EYS: variants seen among roughly 807,000 people sequenced by gnomAD.
EYS encodes EGF-like photoreceptor maintenance factor.
In EYS, 250 loss-of-function variants were observed where a neutral mutation model predicts 282.1. The ratio of observed to expected loss-of-function variants is 0.89; its 90% CI spans 0.80 to 0.98. The LOEUF (loss-of-function observed/expected upper bound fraction) is 0.98. Ranked by LOEUF, EYS falls within the 50% of genes least tolerant of loss-of-function variation. The pLI is 0.00. For missense variants in EYS, 4,016 were observed against 3,709.0 expected (o/e 1.08, Z -2.15); for synonymous variants, 1,355 against 1,282.9 (o/e 1.06, Z -1.20).
At chr6:64,375,522 T>C (rs1480034119) in intron 29 of EYS, among the ~76,000 whole-genome samples, 1 of 152,190 alleles carries the variant, frequency 6.6e-6, no homozygotes, top group African/African-American at 2.4e-5. Flanking sequence ...TAGGCTTGCT[T>C]TCTTTGTAAT....
chr6:64,934,123 C>G (rs1309166130), intron 15 of EYS, among the ~76,000 whole-genome samples: 2 of 149,990 alleles, frequency 1.3e-5, no homozygotes, highest in African/African-American at 4.9e-5. Context: ...TATCCCAGAA[C>G]TTAAAGTATA....
chr6:64,230,668 G>A lies in EYS; in HGVS notation c.6348C>T (p.Ala2116=), dbSNP rs1287331567. 1.3e-6 allele frequency: 2 copies of A among 1,551,452 alleles called. No homozygotes were observed. Among genetic ancestry groups the A allele is most frequent in the African/African-American group, 2.7e-5 (2 of 73,052 alleles). The change falls in exon 31 of 43, where the codon GCC becomes GCT. Residue 2116 remains alanine, a synonymous_variant. Coordinates refer to ENST00000503581, the MANE Select transcript of EYS (RefSeq NM_001142800.2). ...DVCHNGGTCH[A]IFLSSGIVSF... Reference sequence around the variant, plus strand: ...ACACTATGCCACTGGAGAGGAAGATGGCATGGCATGTGCCTCCATTGTGGC... The same window carrying A: ...ACACTATGCCACTGGAGAGGAAGATAGCATGGCATGTGCCTCCATTGTGGC...
intron 35 of EYS, among the ~76,000 whole-genome samples, chr6:63,913,503 C>T (rs1764333276): frequency 6.6e-6 from 1 of 152,178 alleles, no homozygotes. Flanking sequence ...ACATACTTCC[C>T]ATGTCCTTAG....
chr6:65,476,972 T>G (rs1765433742), intron 5 of EYS, among the ~76,000 whole-genome samples: 1 of 152,202 alleles, frequency 6.6e-6, no homozygotes, highest in East Asian at 1.9e-4. Context: ...GAATTTTTAT[T>G]CATGCTAATC....
intron 35 of EYS, among the ~76,000 whole-genome samples, chr6:63,877,271 T>TTA (rs1464681607): frequency 5.9e-5 from 9 of 152,202 alleles, no homozygotes; most frequent in Non-Finnish European, 1.2e-4. Context: ...TGAACATTCT[T>TTA]TTCCTTAAGA....
chr6:64,173,159 T>C (rs909515306), intron 31 of EYS, among the ~76,000 whole-genome samples: 1 of 152,160 alleles, frequency 6.6e-6, no homozygotes, highest in Non-Finnish European at 1.5e-5. Context: ...AATTTTAATA[T>C]AGCAGCTAAC....
chr6:65,010,553 G>A (rs1012833123), intron 13 of EYS, among the ~76,000 whole-genome samples: 8 of 152,206 alleles, frequency 5.3e-5, no homozygotes, highest in African/African-American at 1.4e-4. Flanking sequence ...TCCCTTGACT[G>A]ATCCCGACCT....
intron 29 of EYS, among the ~76,000 whole-genome samples, chr6:64,381,172 T>C (rs149267011): frequency 1.8e-4 from 28 of 152,314 alleles, no homozygotes; most frequent in Middle Eastern, 3.4e-3. Context: ...ACTTTCTTTA[T>C]ACTAACGTTC....
chr6:65,363,751 A>G (rs1385889188), intron 8 of EYS, among the ~76,000 whole-genome samples: 3 of 151,894 alleles, frequency 2.0e-5, no homozygotes, highest in Non-Finnish European at 4.4e-5. Context: ...TAATTTAACT[A>G]AAACTTAGAT....
At chr6:64,940,545 G>A (rs943131844) in intron 15 of EYS, among the ~76,000 whole-genome samples, 1 of 151,882 alleles carries the variant, frequency 6.6e-6, no homozygotes, top group Non-Finnish European at 1.5e-5. Context: ...TAATATACAG[G>A]TGGAAAGGTT....
rs977970361 is a variant in EYS at position 64,808,117 on chromosome 6, T to TCCTTCCCTTC, written c.3443+5251_3443+5260dup. 2.0e-5 allele frequency among the ~76,000 whole-genome samples: 3 copies of TCCTTCCCTTC among 150,316 alleles called. No individual in the cohort carries two copies. The East Asian group carries it at 6.0e-4, about 30-fold the overall frequency. On this transcript the variant is annotated intron_variant, in intron 22 of 42. Coordinates refer to ENST00000503581, the MANE Select transcript of EYS (RefSeq NM_001142800.2). ...CCTTCTTCCCTTCCCTTCTTCCCTT[T>TCCTTCCCTTC]CCTTCCCTTCCCTTCCCTTCCTGTT...
chr6:65,563,510 A>T (rs954009115), intron 2 of EYS, among the ~76,000 whole-genome samples: 1 of 152,146 alleles, frequency 6.6e-6, no homozygotes, highest in African/African-American at 2.4e-5. Flanking sequence ...TTTATAAAGC[A>T]TAGTATCTCT....
chr6:64,518,946 G>T (rs1321356648), intron 26 of EYS, among the ~76,000 whole-genome samples: 2 of 151,820 alleles, frequency 1.3e-5, no homozygotes, highest in East Asian at 3.9e-4. Context: ...CCAGTCTCCA[G>T]TATGTCTTTT....
chr6:64,965,489 T>G (rs1213829734), intron 14 of EYS, among the ~76,000 whole-genome samples: 1 of 152,068 alleles, frequency 6.6e-6, no homozygotes, highest in African/African-American at 2.4e-5. Context: ...TTGTCACTAA[T>G]TGAAGAATCA....
chr6:64,181,838 C>G (rs1582391963), intron 31 of EYS, among the ~76,000 whole-genome samples: 1 of 152,192 alleles, frequency 6.6e-6, no homozygotes, highest in South Asian at 2.1e-4. Context: ...CTAAATAGGT[C>G]ACAGCTTTTG....
At chr6:65,577,626 C>A (rs1010536018) in intron 2 of EYS, among the ~76,000 whole-genome samples, 3 of 151,382 alleles carry the variant, frequency 2.0e-5, no homozygotes, top group African/African-American at 7.3e-5. Context: ...ACAATCAACA[C>A]AGTGAAGAGG....
rs35638776 is a variant in EYS, at chr6:63,903,340, T to C, written c.7056-38982A>G. On this transcript the variant is annotated intron_variant, in intron 35 of 42. Transcript: ENST00000503581. ...TTGAGAAACAATGTGAGCAAAAGCATAGAGTAGAAATAAACACAATATGTA... is the reference window on the plus strand; with the variant it reads ...TTGAGAAACAATGTGAGCAAAAGCACAGAGTAGAAATAAACACAATATGTA... Among the ~76,000 whole-genome samples, 1,087 of 152,216 alleles carry C rather than the reference T, an allele frequency of 7.1e-3. 8 individuals are homozygous for C. Among genetic ancestry groups the C allele is most frequent in the Non-Finnish European group, 0.013 (876 of 68,012 alleles).
intron 12 of EYS, among the ~76,000 whole-genome samples, chr6:65,192,726 C>G (rs1365258817): frequency 6.6e-6 from 1 of 151,736 alleles, no homozygotes; most frequent in Non-Finnish European, 1.5e-5. Context: ...ATTAAAATCT[C>G]AAGAGAGACT....
chr6:64,076,473 C>G (rs1291262796), intron 32 of EYS, among the ~76,000 whole-genome samples: 1 of 151,804 alleles, frequency 6.6e-6, no homozygotes, highest in Non-Finnish European at 1.5e-5. Flanking sequence ...ATTGTAACTC[C>G]CATAATTCCC....
Sources: gnomAD v4.1 joint callset for allele counts (sites outside exome capture counted in the v4.1 genomes callset) on GRCh38, gnomAD v4.1.1 for gene constraint, MANE v1.5 for transcripts, NCBI Gene and HGNC (gene_info 2026-07-23, HGNC 2026-07-21) for gene names.